The following DTNA variants were observed in gnomAD, a reference collection of about 807,000 sequenced individuals.
DTNA encodes dystrobrevin alpha.
DTNA carries 43 observed loss-of-function variants against 100.7 expected under a neutral mutation model. The observed-to-expected ratio is 0.43, with a 90% CI of 0.33 to 0.55. DTNA has a LOEUF of 0.55. Ranked by LOEUF, DTNA falls within the 20% of genes least tolerant of loss-of-function variation. The pLI, the probability that DTNA is intolerant of heterozygous loss-of-function variation, is 0.04. For synonymous variants in DTNA, 349 were observed against 347.9 expected, an observed-to-expected ratio of 1.00 and a Z score of -0.04; for missense variants, 798 against 953.9, an observed-to-expected ratio of 0.84 and a Z score of 2.15.
intron 1 of DTNA, among the ~76,000 whole-genome samples, chr18:34,574,909 C>A (rs34909101): frequency 0.1 from 15,588 of 152,228 alleles, 1,173 homozygotes; most frequent in African/African-American, 0.2. Flanking sequence ...AATACCTCTT[C>A]AAGTTTCAAT....
rs575870288 is a variant in DTNA, at chr18:34,826,795, G to A, written c.1002-798G>A. Reference sequence around the variant, plus strand: ...AAAAGGGTAAAAATGGCTTGGAGATGAGATAGGGATCTTAGCCCTATCATT... The same window carrying A: ...AAAAGGGTAAAAATGGCTTGGAGATAAGATAGGGATCTTAGCCCTATCATT... On this transcript the variant is annotated intron_variant, in intron 9 of 22. Transcript: ENST00000444659. Among the ~76,000 whole-genome samples, 5 of 152,192 alleles carry A rather than the reference G, an allele frequency of 3.3e-5. No individual in the cohort carries two copies. The South Asian group carries it at 1.0e-3, about 32-fold the overall frequency.
intron 1 of DTNA, among the ~76,000 whole-genome samples, chr18:34,527,288 C>G (rs770502550): frequency 9.2e-5 from 14 of 151,950 alleles, no homozygotes; most frequent in Non-Finnish European, 1.6e-4. Context: ...CCTTTTATCT[C>G]AAGTCATACT....
intron 1 of DTNA, among the ~76,000 whole-genome samples, chr18:34,651,073 T>G (rs1220369393): frequency 1.3e-5 from 2 of 152,202 alleles, no homozygotes; most frequent in Non-Finnish European, 2.9e-5. Flanking sequence ...TACGTCTTCT[T>G]TTCGCAAACA....
In DTNA at chr18:34,838,133, G is replaced by A. The variant is rs192673085; in HGVS notation, c.1215G>A (p.Leu405=). The change falls in exon 12 of 23, where the codon CTG becomes CTA. Residue 405 remains leucine (L), a synonymous_variant. Transcript: ENST00000444659. The part of the protein sequence containing the change: ...PKDSEVEQNK[L]LARAAPAFLK... ...ACAGTGAAGTAGAGCAGAACAAACT[G>A]CTGGCTAGGGCTGCTCCAGCTTTTC... 6.2e-7 allele frequency: 1 copy of A among 1,613,740 alleles called. No homozygotes were observed. Among genetic ancestry groups the A allele is most frequent in the African/African-American group, 1.3e-5 (1 of 74,916 alleles).
chr18:34,871,580 G>A (rs779942255), intron 17 of DTNA, among the ~76,000 whole-genome samples: 9 of 152,154 alleles, frequency 5.9e-5, no homozygotes, highest in Non-Finnish European at 1.2e-4. Flanking sequence ...GTTGTTAGCA[G>A]ACAACCATGC....
chr18:34,568,698 A>G (rs2047306404), intron 1 of DTNA, among the ~76,000 whole-genome samples: 1 of 152,118 alleles, frequency 6.6e-6, no homozygotes, highest in South Asian at 2.1e-4. Flanking sequence ...ATCTTGGCTC[A>G]TTGCAACCTC....
intron 1 of DTNA, among the ~76,000 whole-genome samples, chr18:34,547,401 C>G (rs1160797001): frequency 6.6e-6 from 1 of 152,086 alleles, no homozygotes; most frequent in Non-Finnish European, 1.5e-5. Context: ...ATTGATCTTT[C>G]TACGGATTTG....
chr18:34,571,180 T>C (rs2047550964), intron 1 of DTNA, among the ~76,000 whole-genome samples: 1 of 152,174 alleles, frequency 6.6e-6, no homozygotes. Flanking sequence ...AGTTCTCAAC[T>C]CTAACTACAG....
intron 1 of DTNA, among the ~76,000 whole-genome samples, chr18:34,675,940 T>C (rs1312376288): frequency 6.6e-6 from 1 of 152,182 alleles, no homozygotes; most frequent in Non-Finnish European, 1.5e-5. Context: ...CATCAGGTAG[T>C]GGCAGTACAG....
chr18:34,732,825 G>A (rs2088622478), intron 1 of DTNA, among the ~76,000 whole-genome samples: 1 of 152,130 alleles, frequency 6.6e-6, no homozygotes, highest in Non-Finnish European at 1.5e-5. Context: ...TTCAACATTT[G>A]CGATATACCT....
intron 1 of DTNA, among the ~76,000 whole-genome samples, chr18:34,630,995 C>T (rs2058013467): frequency 6.6e-6 from 1 of 152,034 alleles, no homozygotes; most frequent in African/African-American, 2.4e-5. Context: ...ACATCATAGG[C>T]ATGGCTAGGA....
intron 1 of DTNA, among the ~76,000 whole-genome samples, chr18:34,644,977 C>T (rs2059676942): frequency 6.6e-6 from 1 of 151,948 alleles, no homozygotes; most frequent in Non-Finnish European, 1.5e-5. Flanking sequence ...AATTGTTGCC[C>T]TTTAGGAGTC....
At chr18:34,554,450 G>A (rs1263519041) in intron 1 of DTNA, among the ~76,000 whole-genome samples, 1 of 149,552 alleles carries the variant, frequency 6.7e-6, no homozygotes, top group Non-Finnish European at 1.5e-5. Context: ...CCTGTCTTGT[G>A]CCAGTTTTCA....
chr18:34,799,680 C>T (rs895722298), intron 4 of DTNA, among the ~76,000 whole-genome samples: 2 of 152,162 alleles, frequency 1.3e-5, no homozygotes, highest in African/African-American at 4.8e-5. Context: ...GTGAAAAATA[C>T]TTTGTTCAAA....
At chr18:34,704,149 C>G (rs1433674307) in intron 1 of DTNA, among the ~76,000 whole-genome samples, 2 of 152,152 alleles carry the variant, frequency 1.3e-5, no homozygotes, top group African/African-American at 4.8e-5. Flanking sequence ...ATTTGCTTCC[C>G]AGTTCTCTCC....
At chr18:34,734,273 G>A (rs1842410) in intron 1 of DTNA, among the ~76,000 whole-genome samples, 10,237 of 152,152 alleles carry the variant, frequency 0.067, 400 homozygotes, top group Non-Finnish European at 0.082. Flanking sequence ...GACAAAGGTC[G>A]AAAGGCTGAT....
chr18:34,811,923 T>C, intron 5 of DTNA, 36 bp from the exon 6 acceptor site: 2 of 1,612,762 alleles, frequency 1.2e-6, no homozygotes, highest in East Asian at 2.2e-5. Flanking sequence ...AGAATGTTCA[T>C]GTGATGAATA....
intron 21 of DTNA, among the ~76,000 whole-genome samples, chr18:34,882,863 C>T (rs932724111): frequency 6.6e-6 from 1 of 152,116 alleles, no homozygotes; most frequent in African/African-American, 2.4e-5. Flanking sequence ...AGCATAAACC[C>T]ACCACTTCCC....
intron 17 of DTNA, among the ~76,000 whole-genome samples, chr18:34,870,998 A>G (rs982322506): frequency 2.0e-5 from 3 of 152,236 alleles, no homozygotes; most frequent in African/African-American, 4.8e-5. Context: ...GTGAATTTAT[A>G]TTGGAAGAAA....
Sources: gnomAD v4.1 joint callset for allele counts (sites outside exome capture counted in the v4.1 genomes callset) on GRCh38, gnomAD v4.1.1 for gene constraint, MANE v1.5 for transcripts, NCBI Gene and HGNC (gene_info 2026-07-23, HGNC 2026-07-21) for gene names.